BMPR1B: variants seen among roughly 807,000 people sequenced by gnomAD.
BMPR1B encodes the protein bone morphogenetic protein receptor type 1B.
In BMPR1B, 12 loss-of-function variants were observed where a neutral mutation model predicts 59.1. The observed-to-expected ratio is 0.20, with a 90% CI of 0.13 to 0.33. The LOEUF (loss-of-function observed/expected upper bound fraction) is 0.33, where lower values mean the gene tolerates loss of function less well. BMPR1B is among the 10% of genes least tolerant of loss of function. BMPR1B has a pLI of 1.00. For missense variants in BMPR1B, 550 were observed against 610.9 expected, an observed-to-expected ratio of 0.90 and a Z score of 1.05; for synonymous variants, 237 against 207.3, an observed-to-expected ratio of 1.14 and a Z score of -1.23.
intron 1 of BMPR1B, among the ~76,000 whole-genome samples, chr4:94,774,423 TAAA>T (rs1722294550): frequency 6.6e-6 from 1 of 152,034 alleles, no homozygotes; most frequent in African/African-American, 2.4e-5. Flanking sequence ...TTCATGATGA[TAAA>T]ATCTTTTAAT....
At chr4:94,987,053 T>C (rs868336133) in intron 2 of BMPR1B, among the ~76,000 whole-genome samples, 3 of 137,498 alleles carry the variant, frequency 2.2e-5, no homozygotes, top group Non-Finnish European at 4.7e-5. Flanking sequence ...AAAAAATATA[T>C]ATATATATAA....
intron 3 of BMPR1B, among the ~76,000 whole-genome samples, chr4:95,026,098 A>ATTTATTTATTTATTTATTTC (rs1553928440): frequency 9.8e-6 from 1 of 101,622 alleles, no homozygotes; most frequent in African/African-American, 3.6e-5. Context: ...GCTTTCTTTC[A>ATTTATTTATTTATTTATTTC]TTTCTTTCTT....
intron 1 of BMPR1B, among the ~76,000 whole-genome samples, chr4:94,805,920 A>G (rs1328343250): frequency 6.6e-6 from 1 of 152,204 alleles, no homozygotes; most frequent in African/African-American, 2.4e-5. Flanking sequence ...AGAAAATTGT[A>G]GCCAGTAATA....
Position 94,994,961 on chromosome 4 carries a change from T to C in BMPR1B, c.-112-1079T>C, listed in dbSNP as rs374434334. Among the ~76,000 whole-genome samples, 17 of 152,320 alleles carry C rather than the reference T, an allele frequency of 1.1e-4. No individual in the cohort carries two copies. The South Asian group carries it at 3.5e-3, about 32-fold the overall frequency. ...ACCAGCCTGGGGGTTGATTTTCTTA[T>C]CTGTAAGATGAGTAAGTGACCAGAG... On this transcript the variant is annotated intron_variant, in intron 2 of 12. Transcript: ENST00000515059.
chr4:94,957,363 T>C (rs1730184060), intron 2 of BMPR1B, among the ~76,000 whole-genome samples: 1 of 142,722 alleles, frequency 7.0e-6, no homozygotes. Context: ...TTTTTTTTCC[T>C]TTTGCAACAT....
chr4:95,060,510 G>C (rs1020083579), intron 3 of BMPR1B, among the ~76,000 whole-genome samples: 6 of 152,164 alleles, frequency 3.9e-5, no homozygotes, highest in Non-Finnish European at 8.8e-5. Context: ...AATTTAGTAT[G>C]AACAATCCAA....
intron 1 of BMPR1B, among the ~76,000 whole-genome samples, chr4:94,869,091 ATC>A (rs1726370947): frequency 8.7e-6 from 1 of 114,754 alleles, no homozygotes; most frequent in African/African-American, 3.5e-5. Context: ...AAATTTTACT[ATC>A]AAACACACAC....
chr4:95,049,720 A>G (rs990397987), intron 3 of BMPR1B, among the ~76,000 whole-genome samples: 13 of 151,470 alleles, frequency 8.6e-5, no homozygotes, highest in African/African-American at 3.2e-4. Context: ...TCTCCCTGCA[A>G]TCTGGGCCCA....
intron 3 of BMPR1B, among the ~76,000 whole-genome samples, chr4:95,042,288 G>T (rs1725713396): frequency 6.6e-6 from 1 of 152,206 alleles, no homozygotes; most frequent in Admixed American, 6.5e-5. Flanking sequence ...GGGAGAAAAT[G>T]ATTGCTTATT....
chr4:95,111,772 CTT>C (rs1731648602), intron 4 of BMPR1B, among the ~76,000 whole-genome samples: 1 of 152,032 alleles, frequency 6.6e-6, no homozygotes, highest in Non-Finnish European at 1.5e-5. Flanking sequence ...CAGTCCTTTG[CTT>C]TTGGAATATT....
intron 2 of BMPR1B, among the ~76,000 whole-genome samples, chr4:94,923,911 A>G (rs900409450): frequency 1.3e-5 from 2 of 152,154 alleles, no homozygotes; most frequent in Non-Finnish European, 2.9e-5. Flanking sequence ...AGGAAAATCT[A>G]TAGTGTGACA....
chr4:94,867,925 C>T (rs569029629), intron 1 of BMPR1B, among the ~76,000 whole-genome samples: 1 of 152,068 alleles, frequency 6.6e-6, no homozygotes, highest in Non-Finnish European at 1.5e-5. Context: ...AGTCACAATT[C>T]ACTCAGCCCC....
chr4:94,907,853 A>G (rs1184400883), intron 2 of BMPR1B, among the ~76,000 whole-genome samples: 4 of 151,644 alleles, frequency 2.6e-5, no homozygotes, highest in Admixed American at 6.6e-5. Flanking sequence ...TAAAATGAAT[A>G]TGAATGTACA....
intron 4 of BMPR1B, among the ~76,000 whole-genome samples, chr4:95,113,804 A>AT: frequency 6.6e-6 from 1 of 152,284 alleles, no homozygotes; most frequent in South Asian, 2.1e-4. Flanking sequence ...GCCCAGTTCC[A>AT]TAACTGTTTG....
intron 3 of BMPR1B, among the ~76,000 whole-genome samples, chr4:95,079,755 A>C (rs1226365743): frequency 6.6e-6 from 1 of 152,056 alleles, no homozygotes; most frequent in Admixed American, 6.5e-5. Flanking sequence ...TGAAAAAAAA[A>C]AACATGCAGA....
chr4:94,829,092 C>G (rs1351744412), intron 1 of BMPR1B, among the ~76,000 whole-genome samples: 1 of 151,814 alleles, frequency 6.6e-6, no homozygotes, highest in African/African-American at 2.4e-5. Flanking sequence ...AAAAGTAGAG[C>G]TGGATTAACT....
chr4:94,894,490 A>G (rs550394057), intron 2 of BMPR1B, among the ~76,000 whole-genome samples: 7 of 152,058 alleles, frequency 4.6e-5, no homozygotes, highest in African/African-American at 1.7e-4. Flanking sequence ...TACCATTTAC[A>G]TAGGAGTTTC....
At chr4:95,070,003 G>A (rs1361058381) in intron 3 of BMPR1B, among the ~76,000 whole-genome samples, 1 of 152,204 alleles carries the variant, frequency 6.6e-6, no homozygotes, top group Non-Finnish European at 1.5e-5. Context: ...GGAGGCTGAA[G>A]CAGGAGAATC....
At chr4:94,983,191 A>T (rs1721202591) in intron 2 of BMPR1B, among the ~76,000 whole-genome samples, 1 of 152,052 alleles carries the variant, frequency 6.6e-6, no homozygotes, top group African/African-American at 2.4e-5. Flanking sequence ...CCCTGTCTAA[A>T]GCTTTGTTTT....
Sources: gnomAD v4.1 joint callset for allele counts (sites outside exome capture counted in the v4.1 genomes callset) on GRCh38, gnomAD v4.1.1 for gene constraint, MANE v1.5 for transcripts, NCBI Gene and HGNC (gene_info 2026-07-23, HGNC 2026-07-21) for gene names.